The following DAO variants were observed in gnomAD, a reference collection of about 807,000 sequenced individuals.
The protein encoded by DAO is D-amino-acid oxidase.
DAO carries 51 observed loss-of-function variants against 50.1 expected under a neutral mutation model. The observed-to-expected ratio is 1.02, with a 90% CI of 0.81 to 1.29. The LOEUF (loss-of-function observed/expected upper bound fraction) is 1.29, where lower values mean the gene tolerates loss of function less well. DAO is among the 50% of genes most tolerant of loss of function. DAO has a pLI of 0.00. For synonymous variants in DAO, 160 were observed against 166.2 expected, an observed-to-expected ratio of 0.96 and a Z score of 0.29; for missense variants, 436 against 439.4, an observed-to-expected ratio of 0.99 and a Z score of 0.07.
intron 7 of DAO, among the ~76,000 whole-genome samples, chr12:108,895,746 CAT>C (rs1302080855): frequency 4.2e-5 from 6 of 143,630 alleles, no homozygotes; most frequent in East Asian, 2.1e-4. Context: ...TGTGTGTGTG[CAT>C]GTGTGTGAGG....
intron 5 of DAO, among the ~76,000 whole-genome samples, chr12:108,892,393 C>T (rs1593163226): frequency 6.6e-6 from 1 of 151,592 alleles, no homozygotes; most frequent in African/African-American, 2.4e-5. Context: ...GTCTCAATCT[C>T]CTGACCTCGT....
chr12:108,889,613 C>A, intron 4 of DAO, 68 bp downstream of exon 4: 1 of 1,273,360 alleles, frequency 7.9e-7, no homozygotes, highest in Non-Finnish European at 1.1e-6. Flanking sequence ...CAGAAGGCAG[C>A]AGAGGGTAGA....
chr12:108,894,075 G>C (rs1399764379), intron 6 of DAO, among the ~76,000 whole-genome samples, 188 bp from the exon 7 acceptor site: 1 of 152,116 alleles, frequency 6.6e-6, no homozygotes, highest in Non-Finnish European at 1.5e-5. Flanking sequence ...ACATTTTCAA[G>C]GTCACACGTC....
In DAO at chr12:108,891,449, CAAA is replaced by C. The variant is rs35572480; in HGVS notation, c.452+1189_452+1191del. The stretch of plus-strand genomic sequence containing the variant: ...TGGGTGACAGGGCGAGACCCTGTCT[CAAA>C]AAAAAAAAAAAAGATTAAAAAAATA... On this transcript the variant is annotated intron_variant, in intron 5 of 10. Coordinates refer to ENST00000228476, the MANE Select transcript of DAO (RefSeq NM_001917.5). Among the ~76,000 whole-genome samples, 897 of 111,978 alleles carry C rather than the reference CAAA, an allele frequency of 8.0e-3. 7 individuals are homozygous for C. Among genetic ancestry groups the C allele is most frequent in the Middle Eastern group, 0.019 (4 of 214 alleles). 73.5% of individuals were successfully genotyped at this position (111,978 alleles called of 152,430 possible). A position where few individuals can be genotyped will look rare whatever the true frequency, so the allele number is the denominator to read the frequency against.
At chr12:108,894,650 C>T (rs756872475) in intron 7 of DAO, among the ~76,000 whole-genome samples, 20 of 152,024 alleles carry the variant, frequency 1.3e-4, no homozygotes, top group Non-Finnish European at 2.5e-4. Context: ...GTTTACCAAG[C>T]GCGAGATACA....
rs1390099291 is a variant in DAO, at chr12:108,890,270, A to G, written c.449A>G (p.Glu150Gly). The stretch of plus-strand genomic sequence containing the variant: ...AAGAACTATCTACAGTGGCTGACTG[A>G]AAGGTGAGATTTTAAGCTTCACTTT... The part of the protein sequence containing the change: ...EGKNYLQWLT[E>G]RLTERGVKFF... The change falls in exon 5 of 11, where the codon GAA (glutamate) becomes GGA (glycine). Residue 150 changes from glutamate (E) to glycine (G), a missense_variant. Coordinates refer to ENST00000228476, the MANE Select transcript of DAO (RefSeq NM_001917.5). 21 of 1,612,782 alleles carry G rather than the reference A, an allele frequency of 1.3e-5. No individual in the cohort carries two copies. Among genetic ancestry groups the G allele is most frequent in the Non-Finnish European group, 1.8e-5 (21 of 1,178,914 alleles).
intron 1 of DAO, among the ~76,000 whole-genome samples, chr12:108,881,504 C>CACACAT (rs1222271174): frequency 7.7e-6 from 1 of 129,178 alleles, no homozygotes; most frequent in East Asian, 1.9e-4. Context: ...CACACACACA[C>CACACAT]ACACACGTTG....
At chr12:108,880,526 T>C (rs1166265035) in intron 1 of DAO, 3 of 164,776 alleles carry the variant, frequency 1.8e-5, no homozygotes, top group Non-Finnish European at 4.0e-5. Context: ...TCTAGGCACA[T>C]AGCAAGTACT....
intron 1 of DAO, among the ~76,000 whole-genome samples, chr12:108,881,074 C>A (rs2039372421): frequency 6.6e-6 from 1 of 151,734 alleles, no homozygotes; most frequent in Admixed American, 6.6e-5. Context: ...AGGATTATGT[C>A]GGTACTGCAT....
intron 9 of DAO, 46 bp downstream of exon 9, chr12:108,898,842 G>C: frequency 2.3e-6 from 3 of 1,314,140 alleles, no homozygotes; most frequent in Non-Finnish European, 3.3e-6. Context: ...GGTCGTGGGA[G>C]CTTGGTAATG....
chr12:108,894,461 A>T, intron 7 of DAO, 94 bp downstream of exon 7: 1 of 1,093,820 alleles, frequency 9.1e-7, no homozygotes, highest in Non-Finnish European at 1.4e-6. Context: ...AATCAGGAAC[A>T]TCTGTTAGAG....
At chr12:108,885,375 G>A (rs573265236) in intron 2 of DAO, among the ~76,000 whole-genome samples, 175 bp downstream of exon 2, 5 of 152,264 alleles carry the variant, frequency 3.3e-5, no homozygotes, top group Admixed American at 3.3e-4. Context: ...TTGGGAGGTC[G>A]AGGTGGGAGG....
At chr12:108,893,610 G>T (rs2039515010) in intron 6 of DAO, among the ~76,000 whole-genome samples, 1 of 152,162 alleles carries the variant, frequency 6.6e-6, no homozygotes, top group Non-Finnish European at 1.5e-5. Context: ...AGGCCCTGAT[G>T]GACACCGAAG....
Position 108,890,227 on chromosome 12 carries a change from A to T in DAO, c.406A>T (p.Ser136Cys). Residue 136 changes from serine (S) to cysteine (C), a missense_variant, in exon 5 of 11, where the codon AGC becomes TGC. By Grantham distance (112) the Ser-to-Cys change is moderately radical. Transcript: ENST00000228476. ...PDYGYGWFHT[S>C]LILEGKNYLQ... ...CTCTAGCTATGGCTGGTTCCACACA[A>T]GCCTAATTCTGGAGGGAAAGAACTA... 1 of 1,613,770 alleles carries T rather than the reference A, an allele frequency of 6.2e-7. No individual in the cohort carries two copies. Among genetic ancestry groups the T allele is most frequent in the Non-Finnish European group, 8.5e-7 (1 of 1,179,658 alleles).
In DAO at chr12:108,887,476, A is replaced by G; in HGVS notation, c.221A>G (p.Tyr74Cys). 12 of 1,614,074 alleles carry G rather than the reference A, an allele frequency of 7.4e-6. No individual in the cohort carries two copies. Among genetic ancestry groups the G allele is most frequent in the South Asian group, 1.1e-5 (1 of 91,080 alleles). ...EADWSQQTFD[Y>C]LLSHVHSPNA... is the part of the protein sequence containing the mutation. ...GACTGGAGCCAACAGACCTTTGACT[A>G]TCTCCTGAGCCATGTCCATTCTCCC... Residue 74 changes from tyrosine (Y) to cysteine (C), a missense_variant, in exon 3 of 11, where the codon TAT (tyrosine) becomes TGT (cysteine). Coordinates refer to ENST00000228476, the MANE Select transcript of DAO (RefSeq NM_001917.5).
Position 108,900,447 on chromosome 12 carries a change from A to T in DAO, c.956A>T (p.His319Leu), listed in dbSNP as rs1252929468. The change falls in exon 11 of 11, where the codon CAC (histidine) becomes CTC (leucine). Residue 319 changes from histidine (H) to leucine (L), a missense_variant. Transcript: ENST00000228476. ...CATGGAGGCTACGGGCTCACCATCC[A>T]CTGGGGATGTGCCCTGGAGGCAGCC... is the stretch of plus-strand genomic sequence containing the variant. ...YGHGGYGLTI[H>L]WGCALEAAKL... 4.3e-6 allele frequency: 7 copies of T among 1,614,028 alleles called. No homozygotes were observed. Among genetic ancestry groups the T allele is most frequent in the African/African-American group, 2.7e-5 (2 of 74,988 alleles).
intron 5 of DAO, among the ~76,000 whole-genome samples, chr12:108,892,247 C>T (rs2039499966): frequency 6.7e-6 from 1 of 149,682 alleles, no homozygotes; most frequent in Non-Finnish European, 1.5e-5. Context: ...ACTGCAAGCT[C>T]CGCCTCCTGG....
rs746443489 is a variant in DAO at position 108,893,110 on chromosome 12, G to A, written c.507+74G>A. 408 of 1,413,532 alleles carry A rather than the reference G, an allele frequency of 2.9e-4. 3 individuals are homozygous for A. Among genetic ancestry groups the A allele is most frequent in the South Asian group, 2.4e-3 (207 of 84,546 alleles). The allele number at this position is 1,413,532 out of a possible 1,614,324, so 87.6% of individuals were successfully genotyped here. The stretch of plus-strand genomic sequence containing the variant: ...GCCTCTGCTTCTTGCTGCTGAGTCG[G>A]GGGCTCCCTTCTCAGGCTCCTAGGG... On this transcript the variant is annotated intron_variant, in intron 6 of 10. Transcript: ENST00000228476.
intron 1 of DAO, among the ~76,000 whole-genome samples, chr12:108,881,268 T>G (rs2039374902): frequency 1.3e-5 from 2 of 151,020 alleles, no homozygotes; most frequent in African/African-American, 4.9e-5. Context: ...GAAGTAATGA[T>G]GTAAAACAGA....
Sources: allele counts gnomAD v4.1 joint callset (sites outside exome capture counted in the v4.1 genomes callset), GRCh38; gene constraint gnomAD v4.1.1; transcripts MANE v1.5; gene names NCBI Gene and HGNC (gene_info 2026-07-23, HGNC 2026-07-21).